The following BZW2 variants were observed in gnomAD, a reference collection of about 807,000 sequenced individuals.
BZW2 encodes basic leucine zipper and W2 domains 2.
A neutral mutation model predicts 53.2 loss-of-function variants in BZW2; 23 were observed. That is an observed-to-expected ratio of 0.43 (90% confidence interval 0.31 to 0.61). The LOEUF (loss-of-function observed/expected upper bound fraction) is 0.61, where lower values mean the gene tolerates loss of function less well. BZW2 is among the 20% of genes least tolerant of loss of function. The probability of loss-of-function intolerance (pLI) is 0.09; values close to 1 mark genes in which losing one functional copy is unlikely to be tolerated. For synonymous variants in BZW2, 227 were observed against 186.4 expected (o/e 1.22, Z -1.77); for missense variants, 409 against 503.1 (o/e 0.81, Z 1.79).
chr7:16,697,299 C>G (rs112344018), intron 9 of BZW2, among the ~76,000 whole-genome samples: 1,558 of 152,214 alleles, frequency 0.01, 23 homozygotes, highest in African/African-American at 0.035. Context: ...CTGTGTTGCC[C>G]AGGCTGGTCT....
chr7:16,685,858 T>TTTTTTC, intron 5 of BZW2, 47 bp from the exon 6 acceptor site: 3 of 1,483,408 alleles, frequency 2.0e-6, no homozygotes, highest in South Asian at 1.3e-5. Flanking sequence ...TGGTTCCTTT[T>TTTTTTC]TTTTTCTTTT....
chr7:16,678,928 T>C (rs1782853224), intron 3 of BZW2, among the ~76,000 whole-genome samples: 2 of 152,026 alleles, frequency 1.3e-5, no homozygotes, highest in Admixed American at 6.6e-5. Context: ...AGAGATCACA[T>C]GCTTCAAAGG....
chr7:16,685,255 G>T (rs1783077773), intron 5 of BZW2, among the ~76,000 whole-genome samples: 1 of 152,062 alleles, frequency 6.6e-6, no homozygotes, highest in South Asian at 2.1e-4. Flanking sequence ...TTAGTTCCCT[G>T]CCTCTGGGGC....
chr7:16,705,609 C>T (rs1006890446), intron 11 of BZW2, among the ~76,000 whole-genome samples: 2 of 144,606 alleles, frequency 1.4e-5, no homozygotes, highest in Non-Finnish European at 3.0e-5. Context: ...GGCATGAACA[C>T]AGGAGGCGGA....
At chr7:16,667,882 C>T (rs1782479497) in intron 2 of BZW2, among the ~76,000 whole-genome samples, 1 of 152,154 alleles carries the variant, frequency 6.6e-6, no homozygotes, top group Admixed American at 6.5e-5. Context: ...AATTGTGCCC[C>T]ACTACATTGC....
intron 4 of BZW2, among the ~76,000 whole-genome samples, 191 bp from the exon 5 acceptor site, chr7:16,682,589 T>C (rs1782983852): frequency 6.6e-6 from 1 of 152,206 alleles, no homozygotes; most frequent in Admixed American, 6.5e-5. Flanking sequence ...ACGTGTACAT[T>C]TTGATCATAT....
intron 1 of BZW2, among the ~76,000 whole-genome samples, chr7:16,658,706 C>G (rs985609791): frequency 2.6e-5 from 4 of 152,044 alleles, no homozygotes; most frequent in African/African-American, 9.6e-5. Context: ...GAAACCCCGT[C>G]TGTACTAAAA....
intron 2 of BZW2, among the ~76,000 whole-genome samples, chr7:16,671,793 T>C (rs553807774): frequency 2.0e-5 from 3 of 152,086 alleles, no homozygotes; most frequent in African/African-American, 4.8e-5. Context: ...TAGCTGGGTG[T>C]GGTGGCATGT....
chr7:16,665,308 GAAA>G, intron 1 of BZW2, 126 bp from the exon 2 acceptor site: 2 of 899,626 alleles, frequency 2.2e-6, no homozygotes, highest in Non-Finnish European at 1.6e-6. Context: ...TGTCTCAATT[GAAA>G]AAAAAAAAGA....
Position 16,681,391 on chromosome 7 carries a change from G to A in BZW2, c.326G>A (p.Arg109Gln), listed in dbSNP as rs778259070. Residue 109 changes from arginine (R) to glutamine (Q), a missense_variant, in exon 4 of 12, where the codon CGA (arginine) becomes CAA (glutamine). Around this residue, in one of 3 missense-constraint regions of BZW2, gnomAD observed 316 missense variants for 366.8 expected, o/e 0.86. Coordinates refer to ENST00000258761, the MANE Select transcript of BZW2 (RefSeq NM_014038.3). The stretch of plus-strand genomic sequence containing the variant: ...GCAAATGAAGATCATGAAACCATCC[G>A]AAACTATGCTCAGGTAGAGCCTGTT... ...FSANEDHETIRNYAQVFNKLI... is the reference protein window; with the variant it reads ...FSANEDHETIQNYAQVFNKLI... 85 of 1,613,588 alleles carry A rather than the reference G, an allele frequency of 5.3e-5. No homozygotes were observed. The highest frequency in any genetic ancestry group is 1.6e-4 in the Middle Eastern group (1 of 6,082).
intron 10 of BZW2, among the ~76,000 whole-genome samples, chr7:16,698,442 T>C (rs2128369530): frequency 6.6e-6 from 1 of 152,316 alleles, no homozygotes; most frequent in East Asian, 1.9e-4. Context: ...AATTGTTTCT[T>C]GGGGTTGGTG....
At position 16,646,283 on chromosome 7, in the gene BZW2, G is replaced by A; in HGVS notation, c.-13G>A. On this transcript the variant is annotated 5_prime_UTR_variant, in exon 1 of 12. Coordinates refer to ENST00000258761, the MANE Select transcript of BZW2 (RefSeq NM_014038.3). ...CCTTGCGCGTCGTCGCTACCTCCTC[G>A]GACAGGTGAGAAGCAGCCCAGGTGA... 2 of 259,346 alleles carry A rather than the reference G, an allele frequency of 7.7e-6. No homozygotes were observed. Among genetic ancestry groups the A allele is most frequent in the South Asian group, 3.2e-5 (1 of 31,340 alleles). The allele number at this position is 259,346 out of a possible 1,614,324, so 16.1% of individuals were successfully genotyped here.
At chr7:16,681,442 A>T in intron 4 of BZW2, 38 bp downstream of exon 4, 1 of 1,522,718 alleles carries the variant, frequency 6.6e-7, no homozygotes, top group Non-Finnish European at 9.1e-7. Context: ...TTTGAAGAGG[A>T]CTGAGGAAAA....
chr7:16,646,361 T>C (rs1483440482), intron 1 of BZW2, 73 bp downstream of exon 1: 1 of 164,128 alleles, frequency 6.1e-6, no homozygotes, highest in Non-Finnish European at 1.4e-5. Flanking sequence ...CCCGCCGGGG[T>C]TTCCATCGGG....
chr7:16,698,103 T>C lies in BZW2; in HGVS notation c.1025T>C (p.Leu342Pro). The change falls in exon 10 of 12, where the codon CTC becomes CCC. Residue 342 changes from leucine (L) to proline (P), a missense_variant. This residue lies in a region of BZW2 where 88 missense variants were observed against 114.6 expected (regional missense o/e 0.77). Transcript: ENST00000258761. Reference protein sequence around the residue: ...FSSQGQSELILLQKVQEYCYD... With the variant: ...FSSQGQSELIPLQKVQEYCYD... ...TCCCAAGGCCAGTCAGAGCTGATCC[T>C]CCTCCAGAAGGTTCAGGAATACTGC... The C allele has an allele frequency of 1.2e-6, 2 of 1,614,152 alleles. No homozygotes were observed. The highest frequency in any genetic ancestry group is 1.7e-6 in the Non-Finnish European group (2 of 1,180,002).
chr7:16,705,252 G>A lies in BZW2; in HGVS notation c.1231+583G>A, dbSNP rs189721606. 2.6e-3 allele frequency among the ~76,000 whole-genome samples: 389 copies of A among 152,254 alleles called. 3 individuals carry two copies. Among genetic ancestry groups the A allele is most frequent in the African/African-American group, 8.9e-3 (369 of 41,544 alleles). ...CTCACGCCTGTAGTCCCAGGTACTCGGGAGGGTGAGGCAGGAGAACCACTT... is the reference window on the plus strand; with the variant it reads ...CTCACGCCTGTAGTCCCAGGTACTCAGGAGGGTGAGGCAGGAGAACCACTT... On this transcript the variant is annotated intron_variant, in intron 11 of 11. Coordinates refer to ENST00000258761, the MANE Select transcript of BZW2 (RefSeq NM_014038.3).
At chr7:16,667,582 A>G (rs1782469156) in intron 2 of BZW2, among the ~76,000 whole-genome samples, 1 of 152,228 alleles carries the variant, frequency 6.6e-6, no homozygotes, top group Non-Finnish European at 1.5e-5. Flanking sequence ...GTAGACGGAA[A>G]AGAAATTGCA....
At chr7:16,661,232 C>T (rs1206832421) in intron 1 of BZW2, 1 of 152,058 alleles carries the variant, frequency 6.6e-6, no homozygotes, top group Non-Finnish European at 1.5e-5. Context: ...GCAGTCATTC[C>T]CTTGTAGGGA....
chr7:16,699,292 T>C (rs561107441), intron 10 of BZW2, among the ~76,000 whole-genome samples: 1 of 152,308 alleles, frequency 6.6e-6, no homozygotes, highest in East Asian at 1.9e-4. Flanking sequence ...AGTCATAAGA[T>C]AGCAGTGTCC....
Sources: gnomAD v4.1 joint callset for allele counts (sites outside exome capture counted in the v4.1 genomes callset) on GRCh38, gnomAD v4.1.1 for gene constraint, gnomAD v4.1.1 regional missense constraint, MANE v1.5 for transcripts, NCBI Gene and HGNC (gene_info 2026-07-23, HGNC 2026-07-21) for gene names.